The following PHYHIPL variants were observed in gnomAD, a reference collection of about 807,000 sequenced individuals.
PHYHIPL encodes phytanoyl-CoA 2-hydroxylase interacting protein like.
A neutral mutation model predicts 33.4 loss-of-function variants in PHYHIPL; 9 were observed. The ratio of observed to expected loss-of-function variants is 0.27; its 90% confidence interval spans 0.16 to 0.47. PHYHIPL has a LOEUF of 0.47. Ranked by LOEUF, PHYHIPL falls within the 20% of genes least tolerant of loss-of-function variation. PHYHIPL has a pLI of 0.99. For synonymous variants in PHYHIPL, 153 were observed against 154.1 expected, an observed-to-expected ratio of 0.99 and a Z score of 0.05; for missense variants, 365 against 460.7, an observed-to-expected ratio of 0.79 and a Z score of 1.90.
chr10:59,203,022 A>T (rs1172884042), intron 1 of PHYHIPL, among the ~76,000 whole-genome samples: 1 of 152,192 alleles, frequency 6.6e-6, no homozygotes, highest in Non-Finnish European at 1.5e-5. Flanking sequence ...TACCCATCTG[A>T]CAAGGGCTAA....
rs1392493181 is a variant in PHYHIPL, at chr10:59,236,521, G to A, written c.342G>A (p.Leu114=). ...AATTGGTGGCAAAAGCTGTTCCCTT[G>A]CCTATGACTGTCCGTGGACACTGGT... The part of the protein sequence containing the change: ...PTKLVAKAVP[L]PMTVRGHWFL... Residue 114 remains leucine, a synonymous_variant, in exon 3 of 5, where the codon TTG becomes TTA. Transcript: ENST00000373880. 6 of 1,607,858 alleles carry A rather than the reference G, an allele frequency of 3.7e-6. No homozygotes were observed. The highest frequency in any genetic ancestry group is 3.3e-5 in the South Asian group (3 of 90,196).
chr10:59,216,115 T>C (rs2133249076), intron 1 of PHYHIPL, among the ~76,000 whole-genome samples: 1 of 152,166 alleles, frequency 6.6e-6, no homozygotes, highest in East Asian at 1.9e-4. Flanking sequence ...AAAAAGATCA[T>C]AGATTACTTA....
upstream of PHYHIPL, among the ~76,000 whole-genome samples, chr10:59,176,213 C>G (rs1193526001): frequency 1.3e-5 from 2 of 152,166 alleles, no homozygotes; most frequent in African/African-American, 4.8e-5. Flanking sequence ...ACAGAGAGTC[C>G]GAAGAGTCCG....
In PHYHIPL at chr10:59,233,516, A is replaced by T. The variant is rs79698420; in HGVS notation, c.107-788A>T. 5.4e-3 allele frequency among the ~76,000 whole-genome samples: 820 copies of T among 151,776 alleles called. 4 individuals carry two copies. Among genetic ancestry groups the T allele is most frequent in the Non-Finnish European group, 8.5e-3 (578 of 67,726 alleles). On this transcript the variant is annotated intron_variant, in intron 1 of 4. Coordinates refer to ENST00000373880, the MANE Select transcript of PHYHIPL (RefSeq NM_032439.4). ...AAAAATGGGGTAAAATTTGATTCTA[A>T]TATGTCTTTCCTATATGTAAAACAA...
At chr10:59,234,235 C>T in intron 1 of PHYHIPL, 69 bp from the exon 2 acceptor site, 5 of 1,224,098 alleles carry the variant, frequency 4.1e-6, no homozygotes, top group Admixed American at 2.8e-5. Flanking sequence ...GTAATAAATC[C>T]ATTAATTGGA....
chr10:59,182,470 G>A (rs1677441999), intron 1 of PHYHIPL, among the ~76,000 whole-genome samples: 1 of 152,060 alleles, frequency 6.6e-6, no homozygotes, highest in Non-Finnish European at 1.5e-5. Context: ...AGCCTCCCAA[G>A]TAGCTAGGAT....
chr10:59,227,975 G>GATATATATATATATAT (rs1554799094), intron 1 of PHYHIPL, among the ~76,000 whole-genome samples: 1,490 of 145,534 alleles, frequency 0.01, 48 homozygotes, highest in African/African-American at 0.037. Context: ...TGCCTATTGA[G>GATATATATATATATAT]ATATATATAT....
intron 1 of PHYHIPL, among the ~76,000 whole-genome samples, chr10:59,177,854 G>A (rs986223207): frequency 2.0e-5 from 3 of 152,144 alleles, no homozygotes; most frequent in Non-Finnish European, 4.4e-5. Flanking sequence ...GTAATTGGTT[G>A]GCCGAATAAT....
chr10:59,203,179 C>T (rs1231613604), intron 1 of PHYHIPL, among the ~76,000 whole-genome samples: 1 of 152,148 alleles, frequency 6.6e-6, no homozygotes, highest in Non-Finnish European at 1.5e-5. Context: ...CTCATCATCA[C>T]TGGCCATCAG....
At chr10:59,235,974 A>G (rs1050532320) in intron 2 of PHYHIPL, among the ~76,000 whole-genome samples, 1 of 151,910 alleles carries the variant, frequency 6.6e-6, no homozygotes, top group Admixed American at 6.6e-5. Context: ...ACCAAATATA[A>G]TATTTTTAAT....
At chr10:59,203,347 G>C (rs912278723) in intron 1 of PHYHIPL, among the ~76,000 whole-genome samples, 6 of 152,164 alleles carry the variant, frequency 3.9e-5, no homozygotes, top group Non-Finnish European at 8.8e-5. Context: ...ACCATTGTGG[G>C]AGACAGTGTG....
intron 1 of PHYHIPL, among the ~76,000 whole-genome samples, chr10:59,230,127 A>G (rs1840036567): frequency 1.3e-5 from 2 of 151,972 alleles, no homozygotes; most frequent in African/African-American, 4.8e-5. Context: ...GTGAGTCTAA[A>G]TCCTTTCAAG....
chr10:59,221,200 G>A (rs758985615), intron 1 of PHYHIPL, among the ~76,000 whole-genome samples: 13 of 151,550 alleles, frequency 8.6e-5, no homozygotes, highest in Non-Finnish European at 1.8e-4. Context: ...TATGTTTTTT[G>A]TGTCACCATC....
In PHYHIPL at chr10:59,246,830, A is replaced by G; in HGVS notation, c.*1239A>G. ...AAACCAAAAGATTAGCAATAATACTATGGACACATTAGATTATATACTACA... is the reference window on the plus strand; with the variant it reads ...AAACCAAAAGATTAGCAATAATACTGTGGACACATTAGATTATATACTACA... On this transcript the variant is annotated 3_prime_UTR_variant, in exon 5 of 5. Transcript: ENST00000373880. 3 of 386,528 alleles carry G rather than the reference A, an allele frequency of 7.8e-6. No individual in the cohort carries two copies. Among genetic ancestry groups the G allele is most frequent in the East Asian group, 7.4e-5 (2 of 27,170 alleles). 23.9% of individuals were successfully genotyped at this position (386,528 alleles called of 1,614,324 possible). A position where few individuals can be genotyped will look rare whatever the true frequency, so the allele number is the denominator to read the frequency against.
intron 3 of PHYHIPL, 37 bp from the exon 4 acceptor site, chr10:59,238,551 A>G: frequency 8.3e-7 from 1 of 1,207,698 alleles, no homozygotes; most frequent in African/African-American, 1.5e-5. Context: ...CTTTTGGTGC[A>G]ATATTTTTAA....
chr10:59,237,787 C>A (rs1417606600), intron 3 of PHYHIPL, among the ~76,000 whole-genome samples: 1 of 151,856 alleles, frequency 6.6e-6, no homozygotes, highest in Non-Finnish European at 1.5e-5. Flanking sequence ...CTAATACTTA[C>A]CATAATAAAT....
At chr10:59,201,201 A>G (rs1438946383) in intron 1 of PHYHIPL, among the ~76,000 whole-genome samples, 4 of 152,200 alleles carry the variant, frequency 2.6e-5, no homozygotes, top group African/African-American at 4.8e-5. Flanking sequence ...ATTTAGTGCT[A>G]TAAATTTCCC....
intron 2 of PHYHIPL, among the ~76,000 whole-genome samples, chr10:59,236,252 TGTCA>T (rs1840226713): frequency 1.3e-5 from 2 of 151,932 alleles, no homozygotes; most frequent in Non-Finnish European, 2.9e-5. Flanking sequence ...AAAATTCTAT[TGTCA>T]GTCAGGAACT....
intron 1 of PHYHIPL, among the ~76,000 whole-genome samples, chr10:59,231,354 A>G (rs1564457262): frequency 6.6e-6 from 1 of 152,112 alleles, no homozygotes; most frequent in Non-Finnish European, 1.5e-5. Flanking sequence ...TAAAAGAGAG[A>G]TACCTAAAAC....
Sources: allele counts gnomAD v4.1 joint callset (sites outside exome capture counted in the v4.1 genomes callset), GRCh38; gene constraint gnomAD v4.1.1; transcripts MANE v1.5; gene names NCBI Gene and HGNC (gene_info 2026-07-23, HGNC 2026-07-21).